The following NCAM2 variants were observed in gnomAD, a reference collection of about 807,000 sequenced individuals.
NCAM2 encodes neural cell adhesion molecule 2.
A neutral mutation model predicts 98.1 loss-of-function variants in NCAM2; 30 were observed. The ratio of observed to expected loss-of-function variants is 0.31; its 90% CI spans 0.23 to 0.41. NCAM2 has a LOEUF of 0.41. NCAM2 is among the 10% of genes least tolerant of loss of function. The probability of loss-of-function intolerance (pLI) is 1.00; values close to 1 mark genes in which losing one functional copy is unlikely to be tolerated. For synonymous variants in NCAM2, 368 were observed against 342.4 expected (o/e 1.07, Z -0.83); for missense variants, 867 against 1,005.8 (o/e 0.86, Z 1.87).
At chr21:21,032,515 G>A (rs565782185) in intron 1 of NCAM2, among the ~76,000 whole-genome samples, 152 of 152,224 alleles carry the variant, frequency 1.0e-3, no homozygotes, top group Non-Finnish European at 2.0e-3. Context: ...CATCAGCAAA[G>A]TAATACTAAT....
chr21:21,338,575 A>T (rs2074942205), intron 8 of NCAM2, 41 bp downstream of exon 8: 1 of 1,495,754 alleles, frequency 6.7e-7, no homozygotes, highest in Non-Finnish European at 8.9e-7. Flanking sequence ...ATTACCATGC[A>T]ATTTCAGTAT....
At chr21:21,218,264 TTACCAGA>T (rs2069990472) in intron 1 of NCAM2, among the ~76,000 whole-genome samples, 1 of 152,186 alleles carries the variant, frequency 6.6e-6, no homozygotes, top group Non-Finnish European at 1.5e-5. Context: ...TAAAGTTAAG[TTACCAGA>T]TTCCATCTAG....
intron 1 of NCAM2, among the ~76,000 whole-genome samples, chr21:21,236,526 T>C (rs1223462971): frequency 6.6e-6 from 1 of 152,250 alleles, no homozygotes; most frequent in East Asian, 1.9e-4. Flanking sequence ...TTAATCAAAT[T>C]TGTGCAAATT....
At chr21:21,190,761 T>C (rs1362511428) in intron 1 of NCAM2, among the ~76,000 whole-genome samples, 1 of 152,188 alleles carries the variant, frequency 6.6e-6, no homozygotes, top group Non-Finnish European at 1.5e-5. Context: ...TTTATTTATC[T>C]TCTTGGTGCC....
chr21:21,462,665 A>G (rs1367458931), intron 12 of NCAM2, among the ~76,000 whole-genome samples: 1 of 152,012 alleles, frequency 6.6e-6, no homozygotes, highest in African/African-American at 2.4e-5. Flanking sequence ...TTTTTAATGT[A>G]TCTTGACTTT....
At chr21:21,421,412 T>C (rs2145972309) in intron 11 of NCAM2, among the ~76,000 whole-genome samples, 1 of 73,068 alleles carries the variant, frequency 1.4e-5, no homozygotes, top group African/African-American at 5.4e-5. Flanking sequence ...TCAGCAATTT[T>C]CCTAATATTC....
chr21:21,469,277 C>A (rs747130348), intron 14 of NCAM2, among the ~76,000 whole-genome samples: 1 of 151,914 alleles, frequency 6.6e-6, no homozygotes, highest in Admixed American at 6.6e-5. Flanking sequence ...TAGCACTATC[C>A]AGTAAGGATG....
intron 12 of NCAM2, among the ~76,000 whole-genome samples, chr21:21,464,897 C>T (rs1983476415): frequency 6.6e-6 from 1 of 152,062 alleles, no homozygotes; most frequent in South Asian, 2.1e-4. Context: ...TTGGCTATGC[C>T]ATTTATCCTT....
chr21:21,211,047 C>G (rs1012034688), intron 1 of NCAM2, among the ~76,000 whole-genome samples: 5 of 150,532 alleles, frequency 3.3e-5, no homozygotes, highest in African/African-American at 1.2e-4. Context: ...CAAGTGTTTC[C>G]ACCAGCAATT....
chr21:21,236,654 T>C (rs887759259), intron 1 of NCAM2, among the ~76,000 whole-genome samples: 1 of 150,984 alleles, frequency 6.6e-6, no homozygotes, highest in Non-Finnish European at 1.5e-5. Flanking sequence ...TAAACTTGGG[T>C]CTTTTTATGT....
intron 1 of NCAM2, among the ~76,000 whole-genome samples, chr21:21,116,738 C>T (rs780207119): frequency 1.3e-5 from 2 of 152,056 alleles, no homozygotes; most frequent in Non-Finnish European, 2.9e-5. Context: ...ACCTGTAGTC[C>T]CACCTACTCA....
chr21:21,358,245 A>T lies in NCAM2; in HGVS notation c.1045-15618A>T, dbSNP rs538981747. On this transcript the variant is annotated intron_variant, in intron 8 of 17. Transcript: ENST00000400546. ...AGTTAGTATTCAGCGTAGTGGGACT[A>T]ACTCACTTTTGTACGTAAGAATCAC... Among the ~76,000 whole-genome samples, 20 of 152,212 alleles carry T rather than the reference A, an allele frequency of 1.3e-4. No homozygotes were observed. In the South Asian group the frequency reaches 3.1e-3, roughly 24 times the overall value.
At chr21:21,386,765 G>GA (rs1362130052) in intron 9 of NCAM2, among the ~76,000 whole-genome samples, 2 of 134,832 alleles carry the variant, frequency 1.5e-5, no homozygotes, top group Admixed American at 1.4e-4. Context: ...ATAATGGTAA[G>GA]AAAATTTTTA....
chr21:21,017,956 T>C (rs1484552401), intron 1 of NCAM2, among the ~76,000 whole-genome samples: 1 of 152,174 alleles, frequency 6.6e-6, no homozygotes, highest in Non-Finnish European at 1.5e-5. Flanking sequence ...TGTATCAAAT[T>C]CTTTCAATGC....
intron 1 of NCAM2, among the ~76,000 whole-genome samples, chr21:21,106,856 A>G (rs966320789): frequency 3.9e-5 from 6 of 152,094 alleles, no homozygotes; most frequent in African/African-American, 1.4e-4. Context: ...TGTTAACATG[A>G]TATTTTTGTT....
chr21:21,236,756 ATGTGTGTG>A (rs35816689), intron 1 of NCAM2, among the ~76,000 whole-genome samples: 68,641 of 149,982 alleles, frequency 0.46, 16,092 homozygotes, highest in South Asian at 0.57. Flanking sequence ...ATCAGTACAT[ATGTGTGTG>A]TGTGTGTGTG....
At chr21:21,258,667 A>G (rs1408969103) in intron 1 of NCAM2, among the ~76,000 whole-genome samples, 1 of 152,134 alleles carries the variant, frequency 6.6e-6, no homozygotes, top group Non-Finnish European at 1.5e-5. Flanking sequence ...AACTCTCCTC[A>G]AACATGAACT....
intron 8 of NCAM2, among the ~76,000 whole-genome samples, chr21:21,369,730 G>A (rs563479195): frequency 6.6e-6 from 1 of 151,718 alleles, no homozygotes; most frequent in South Asian, 2.1e-4. Flanking sequence ...GATCTTATTG[G>A]TCTTTCTTTT....
At chr21:21,486,903 C>A (rs371911782) in intron 15 of NCAM2, among the ~76,000 whole-genome samples, 3 of 152,086 alleles carry the variant, frequency 2.0e-5, no homozygotes, top group African/African-American at 7.2e-5. Flanking sequence ...TTTTAAGCAT[C>A]TAAGTGTGGA....
Sources: allele counts gnomAD v4.1 joint callset (sites outside exome capture counted in the v4.1 genomes callset), GRCh38; gene constraint gnomAD v4.1.1; transcripts MANE v1.5; gene names NCBI Gene and HGNC (gene_info 2026-07-23, HGNC 2026-07-21).